The following RNF227 variants were observed in gnomAD, a reference collection of about 807,000 sequenced individuals.
The protein encoded by RNF227 is long intergenic non-protein coding RNA 2581.
Under a neutral mutation model 4.9 loss-of-function variants are expected in RNF227, and 8 were observed. The observed-to-expected ratio is 1.65, with a 90% confidence interval of 0.97 to 2.98. The LOEUF (loss-of-function observed/expected upper bound fraction) is 2.98, where lower values mean the gene tolerates loss of function less well. Ranked by LOEUF, RNF227 falls within the 30% of genes most tolerant of loss-of-function variation. RNF227 has a pLI of 0.00. For missense variants in RNF227, 136 were observed against 65.4 expected (o/e 2.08, Z -3.72); for synonymous variants, 63 against 28.1 (o/e 2.25, Z -3.94).
chr17:7,916,277 G>T lies in RNF227; in HGVS notation c.-82C>A. The T allele has an allele frequency of 2.9e-6, 1 of 349,944 alleles. No homozygotes were observed. Among genetic ancestry groups the T allele is most frequent in the Admixed American group, 4.7e-5 (1 of 21,084 alleles). The allele number at this position is 349,944 out of a possible 1,614,324, so 21.7% of individuals were successfully genotyped here. The stretch of plus-strand genomic sequence containing the variant: ...GAGCACACTCTCCTGGGGCCGGGTC[G>T]GGTCCTGGGGCCGGCGCCGCGGCCT... On this transcript the variant is annotated 5_prime_UTR_variant, in exon 1 of 2. Coordinates refer to ENST00000324348, the MANE Select transcript of RNF227 (RefSeq NM_001358699.2).
chr17:7,914,187 T>C lies in RNF227; in HGVS notation c.*1335A>G, dbSNP rs886235972. 4.6e-5 allele frequency: 7 copies of C among 151,244 alleles called. No individual in the cohort carries two copies. Among genetic ancestry groups the C allele is most frequent in the Non-Finnish European group, 1.5e-5 (1 of 67,876 alleles). The allele number at this position is 151,244 out of a possible 1,614,324, so 9.4% of individuals were successfully genotyped here. On this transcript the variant is annotated 3_prime_UTR_variant, in exon 2 of 2. Transcript: ENST00000324348. The stretch of plus-strand genomic sequence containing the variant: ...CTACAGATGGTGATATCCTAAAGAG[T>C]GTAGGATCTAGACCAATGGTACTTA...
chr17:7,915,132 T>TAAA lies in RNF227; in HGVS notation c.*387_*389dup. ...TAGCCTCTTCTCTCCCGTTCCATCT[T>TAAA]AAAAAAAAAAAAAATTCAAACCATT... is the stretch of plus-strand genomic sequence containing the variant. On this transcript the variant is annotated 3_prime_UTR_variant, in exon 2 of 2. Transcript: ENST00000324348. 4 of 296,848 alleles carry TAAA rather than the reference T, an allele frequency of 1.3e-5. No homozygotes were observed. Among genetic ancestry groups the TAAA allele is most frequent in the Middle Eastern group, 1.2e-3 (1 of 832 alleles). The allele number at this position is 296,848 out of a possible 1,614,324, so 18.4% of individuals were successfully genotyped here. A position where few individuals can be genotyped will look rare whatever the true frequency, so the allele number is the denominator to read the frequency against.
chr17:7,915,933 CGAGGGA>C lies in RNF227; in HGVS notation c.257_262del (p.Leu86_Pro87del). On this transcript the variant is annotated inframe_deletion, in exon 1 of 2. Coordinates refer to ENST00000324348, the MANE Select transcript of RNF227 (RefSeq NM_001358699.2). ...AAGAGCCATCTCCGTGAGGCCGCCG[CGAGGGA>C]GCTGCGAGGGCGCGCGGCAGAAGGG... 1 of 687,832 alleles carries C rather than the reference CGAGGGA, an allele frequency of 1.5e-6. No homozygotes were observed. Among genetic ancestry groups the C allele is most frequent in the South Asian group, 1.5e-5 (1 of 67,042 alleles). The allele number at this position is 687,832 out of a possible 1,614,324, so 42.6% of individuals were successfully genotyped here. A position where few individuals can be genotyped will look rare whatever the true frequency, so the allele number is the denominator to read the frequency against.
chr17:7,915,784 C>A lies in RNF227; in HGVS notation c.412G>T (p.Glu138Ter). 1.4e-6 allele frequency: 1 copy of A among 702,774 alleles called. No homozygotes were observed. 43.5% of individuals were successfully genotyped at this position (702,774 alleles called of 1,614,324 possible). A position where few individuals can be genotyped will look rare whatever the true frequency, so the allele number is the denominator to read the frequency against. ...DGEAEEEGES[E>*]KGAGPRSAGW... is the part of the protein sequence containing the mutation. ...GCACTCCTAGGCCCCGCCCCCTTCTCGCTCTCCCCTTCTTCCTCCGCCTCT... is the reference window on the plus strand; with the variant it reads ...GCACTCCTAGGCCCCGCCCCCTTCTAGCTCTCCCCTTCTTCCTCCGCCTCT... The change falls in exon 1 of 2, where the codon GAG becomes TAG. Residue 138 changes from glutamate (E) to a stop codon, truncating the protein, a stop_gained. Transcript: ENST00000324348. LOFTEE classifies it high-confidence loss of function.
rs988191824 is a variant in RNF227 at position 7,915,153 on chromosome 17, C to T, written c.*369G>A. On this transcript the variant is annotated 3_prime_UTR_variant, in exon 2 of 2. Coordinates refer to ENST00000324348, the MANE Select transcript of RNF227 (RefSeq NM_001358699.2). Reference sequence around the variant, plus strand: ...ATCTTAAAAAAAAAAAAAATTCAAACCATTGACAAAGAATTGCTAAAATGG... The same window carrying T: ...ATCTTAAAAAAAAAAAAAATTCAAATCATTGACAAAGAATTGCTAAAATGG... 13 of 362,506 alleles carry T rather than the reference C, an allele frequency of 3.6e-5. No individual in the cohort carries two copies. The highest frequency in any genetic ancestry group is 2.7e-4 in the African/African-American group (13 of 47,392). 22.5% of individuals were successfully genotyped at this position (362,506 alleles called of 1,614,324 possible).
chr17:7,915,943 G>C lies in RNF227; in HGVS notation c.253C>G (p.Gln85Glu), dbSNP rs189040868. 14,102 of 677,440 alleles carry C rather than the reference G, an allele frequency of 0.021. 210 individuals carry two copies. Among genetic ancestry groups the C allele is most frequent in the Middle Eastern group, 0.058 (186 of 3,220 alleles). 42.0% of individuals were successfully genotyped at this position (677,440 alleles called of 1,614,324 possible). A position where few individuals can be genotyped will look rare whatever the true frequency, so the allele number is the denominator to read the frequency against. The change falls in exon 1 of 2, where the codon CAG (glutamine) becomes GAG (glutamate). Residue 85 changes from glutamine to glutamate, a missense_variant. By Grantham distance (29) the Gln-to-Glu change is conservative. Coordinates refer to ENST00000324348, the MANE Select transcript of RNF227 (RefSeq NM_001358699.2). ...VTCPFCRAPS[Q>E]LPRGGLTEMA... ...TCCGTGAGGCCGCCGCGAGGGAGCTGCGAGGGCGCGCGGCAGAAGGGGCAC... is the reference window on the plus strand; with the variant it reads ...TCCGTGAGGCCGCCGCGAGGGAGCTCCGAGGGCGCGCGGCAGAAGGGGCAC...
chr17:7,915,943 G>A lies in RNF227; in HGVS notation c.253C>T (p.Gln85Ter), dbSNP rs189040868. Residue 85 changes from glutamine (Q) to a stop codon, truncating the protein, a stop_gained, in exon 1 of 2, where the codon CAG becomes TAG. Transcript: ENST00000324348. LOFTEE classifies it high-confidence loss of function. ...VTCPFCRAPSQLPRGGLTEMA... is the reference protein window; with the variant it reads ...VTCPFCRAPS ...TCCGTGAGGCCGCCGCGAGGGAGCT[G>A]CGAGGGCGCGCGGCAGAAGGGGCAC... 1.5e-6 allele frequency: 1 copy of A among 677,474 alleles called. No homozygotes were observed. The highest frequency in any genetic ancestry group is 1.5e-5 in the South Asian group (1 of 66,286). 42.0% of individuals were successfully genotyped at this position (677,474 alleles called of 1,614,324 possible).
In RNF227 at chr17:7,915,724, C is replaced by A; in HGVS notation, c.472G>T (p.Val158Phe). ...CGCCAGCGCCGCGCAGGCCCCAGGACCCTGTCCCAGAGCCGCCGGAGCGCG... is the reference window on the plus strand; with the variant it reads ...CGCCAGCGCCGCGCAGGCCCCAGGAACCTGTCCCAGAGCCGCCGGAGCGCG... ...WRALRRLWDR[V>F]LGPARRWRRP... is the part of the protein sequence containing the mutation. Residue 158 changes from valine (V) to phenylalanine (F), a missense_variant, in exon 1 of 2, where the codon GTC becomes TTC. Coordinates refer to ENST00000324348, the MANE Select transcript of RNF227 (RefSeq NM_001358699.2). The A allele has an allele frequency of 4.3e-6, 3 of 702,632 alleles. No individual in the cohort carries two copies. In the South Asian group the frequency reaches 4.4e-5, roughly 10 times the overall value. The allele number at this position is 702,632 out of a possible 1,614,324, so 43.5% of individuals were successfully genotyped here.
In RNF227 at chr17:7,915,571, T is replaced by G. The variant is rs1156953799; in HGVS notation, c.524A>C (p.Tyr175Ser). Residue 175 changes from tyrosine to serine, a missense_variant, in exon 2 of 2, where the codon TAC becomes TCC. Tyr to Ser is a moderately radical substitution (Grantham distance 144, BLOSUM62 -2). Coordinates refer to ENST00000324348, the MANE Select transcript of RNF227 (RefSeq NM_001358699.2). ...WRRPLPSNVLYCAEIKDIGHL... is the reference protein window; with the variant it reads ...WRRPLPSNVLSCAEIKDIGHL... ...GCCAATGTCCTTGATCTCCGCACAG[T>G]AGAGCACTGGGGGAAAGAAGAAGGG... 1.4e-5 allele frequency: 10 copies of G among 702,956 alleles called. No homozygotes were observed. The highest frequency in any genetic ancestry group is 2.6e-5 in the Non-Finnish European group (10 of 385,032). The allele number at this position is 702,956 out of a possible 1,614,324, so 43.5% of individuals were successfully genotyped here.
rs1336028961 is a variant in RNF227, at chr17:7,915,231, G to C, written c.*291C>G. ...ACCCTGGACAAAAGCCAACGTCCCA[G>C]CTAAGAAAACAGTCTGTCTTCTTCC... On this transcript the variant is annotated 3_prime_UTR_variant, in exon 2 of 2. Transcript: ENST00000324348. 1 of 524,316 alleles carries C rather than the reference G, an allele frequency of 1.9e-6. No individual in the cohort carries two copies. The highest frequency in any genetic ancestry group is 3.5e-6 in the Non-Finnish European group (1 of 287,538). The allele number at this position is 524,316 out of a possible 1,614,324, so 32.5% of individuals were successfully genotyped here.
At position 7,914,179 on chromosome 17, in the gene RNF227, C is replaced by T. The variant is rs1360278946; in HGVS notation, c.*1343G>A. 6.6e-6 allele frequency: 1 copy of T among 151,984 alleles called. No homozygotes were observed. Among genetic ancestry groups the T allele is most frequent in the Non-Finnish European group, 1.5e-5 (1 of 68,018 alleles). The allele number at this position is 151,984 out of a possible 1,614,324, so 9.4% of individuals were successfully genotyped here. On this transcript the variant is annotated 3_prime_UTR_variant, in exon 2 of 2. Coordinates refer to ENST00000324348, the MANE Select transcript of RNF227 (RefSeq NM_001358699.2). ...TATTCTACCTACAGATGGTGATATC[C>T]TAAAGAGTGTAGGATCTAGACCAAT...
chr17:7,915,194 C>A lies in RNF227; in HGVS notation c.*328G>T. On this transcript the variant is annotated 3_prime_UTR_variant, in exon 2 of 2. Transcript: ENST00000324348. ...GCTAAAATGGGACCTGTTGCTCCCA[C>A]ACACCAGAGCCACCCTGGACAAAAG... 2.2e-6 allele frequency: 1 copy of A among 455,528 alleles called. No individual in the cohort carries two copies. Among genetic ancestry groups the A allele is most frequent in the Non-Finnish European group, 4.1e-6 (1 of 246,880 alleles). The allele number at this position is 455,528 out of a possible 1,614,324, so 28.2% of individuals were successfully genotyped here.
rs766358919 is a variant in RNF227 at position 7,915,963 on chromosome 17, G to A, written c.233C>T (p.Pro78Leu). 5 of 597,192 alleles carry A rather than the reference G, an allele frequency of 8.4e-6. No homozygotes were observed. Among genetic ancestry groups the A allele is most frequent in the South Asian group, 7.3e-5 (4 of 55,154 alleles). The allele number at this position is 597,192 out of a possible 1,614,324, so 37.0% of individuals were successfully genotyped here. Residue 78 changes from proline to leucine, a missense_variant, in exon 1 of 2, where the codon CCC becomes CTC. By Grantham distance (98) the Pro-to-Leu change is moderately conservative (BLOSUM62 -3). Transcript: ENST00000324348. Reference protein sequence around the residue: ...VVRLRRVVTCPFCRAPSQLPR... With the variant: ...VVRLRRVVTCLFCRAPSQLPR... Reference sequence around the variant, plus strand: ...GAGCTGCGAGGGCGCGCGGCAGAAGGGGCACGTGACCACGCGGCGCAGGCG... The same window carrying A: ...GAGCTGCGAGGGCGCGCGGCAGAAGAGGCACGTGACCACGCGGCGCAGGCG...
At chr17:7,916,310 C>T (rs1430222557), upstream of RNF227, 1 of 343,886 alleles carries the variant, frequency 2.9e-6, no homozygotes. Context: ...CCTCTTTCCC[C>T]TTTAAATAGG....
rs1406124524 is a variant in RNF227, at chr17:7,913,992, TGAGGCAG to T, written c.*1523_*1529del. ...CTGTAGCCCCAGCTACTTGGGAGGC[TGAGGCAG>T]GAGAATGGCGTGAACCCAGGAGGCA... On this transcript the variant is annotated 3_prime_UTR_variant, in exon 2 of 2. Coordinates refer to ENST00000324348, the MANE Select transcript of RNF227 (RefSeq NM_001358699.2). The T allele has an allele frequency of 1.3e-5, 2 of 150,390 alleles. No homozygotes were observed. The highest frequency in any genetic ancestry group is 2.9e-5 in the Non-Finnish European group (2 of 67,862). 9.3% of individuals were successfully genotyped at this position (150,390 alleles called of 1,614,324 possible).
In RNF227 at chr17:7,915,256, C is replaced by T; in HGVS notation, c.*266G>A. 1 of 577,608 alleles carries T rather than the reference C, an allele frequency of 1.7e-6. No individual in the cohort carries two copies. The allele number at this position is 577,608 out of a possible 1,614,324, so 35.8% of individuals were successfully genotyped here. A position where few individuals can be genotyped will look rare whatever the true frequency, so the allele number is the denominator to read the frequency against. On this transcript the variant is annotated 3_prime_UTR_variant, in exon 2 of 2. Coordinates refer to ENST00000324348, the MANE Select transcript of RNF227 (RefSeq NM_001358699.2). ...GCTAAGAAAACAGTCTGTCTTCTTC[C>T]CACGGTAACGTAGGCTTTGTTTATA...
Position 7,915,568 on chromosome 17 carries a change from C to G in RNF227, c.527G>C (p.Cys176Ser). ...RRPLPSNVLY[C>S]AEIKDIGHLT... Reference sequence around the variant, plus strand: ...GTGGCCAATGTCCTTGATCTCCGCACAGTAGAGCACTGGGGGAAAGAAGAA... The same window carrying G: ...GTGGCCAATGTCCTTGATCTCCGCAGAGTAGAGCACTGGGGGAAAGAAGAA... The change falls in exon 2 of 2, where the codon TGT (cysteine) becomes TCT (serine). Residue 176 changes from cysteine to serine, a missense_variant. Transcript: ENST00000324348. 1.4e-6 allele frequency: 1 copy of G among 703,122 alleles called. No individual in the cohort carries two copies. Among genetic ancestry groups the G allele is most frequent in the Non-Finnish European group, 2.6e-6 (1 of 385,030 alleles). 43.6% of individuals were successfully genotyped at this position (703,122 alleles called of 1,614,324 possible).
At position 7,916,050 on chromosome 17, in the gene RNF227, G is replaced by A. The variant is rs1295486463; in HGVS notation, c.146C>T (p.Thr49Ile). 5.4e-6 allele frequency: 2 copies of A among 368,042 alleles called. No homozygotes were observed. The highest frequency in any genetic ancestry group is 9.7e-6 in the Non-Finnish European group (2 of 206,858). The allele number at this position is 368,042 out of a possible 1,614,324, so 22.8% of individuals were successfully genotyped here. The change falls in exon 1 of 2, where the codon ACC (threonine) becomes ATC (isoleucine). Residue 49 changes from threonine (T) to isoleucine (I), a missense_variant. By Grantham distance (89) the Thr-to-Ile change is moderately conservative (BLOSUM62 -1). Transcript: ENST00000324348. ...ARARCGHTICTACLRELAARG... is the reference protein window; with the variant it reads ...ARARCGHTICIACLRELAARG... ...CGCCGCCAGCTCGCGGAGGCAGGCG[G>A]TGCAGATCGTGTGGCCGCAGCGGGC...
In RNF227 at chr17:7,915,339, G is replaced by C; in HGVS notation, c.*183C>G. On this transcript the variant is annotated 3_prime_UTR_variant, in exon 2 of 2. Coordinates refer to ENST00000324348, the MANE Select transcript of RNF227 (RefSeq NM_001358699.2). ...AGACTGGCACAGTCAGTAGATGGGG[G>C]CGAGTTCGTCTAGGAGCCTCCCCAA... The C allele has an allele frequency of 1.4e-6, 1 of 692,968 alleles. No homozygotes were observed. Among genetic ancestry groups the C allele is most frequent in the Non-Finnish European group, 2.6e-6 (1 of 378,752 alleles). 42.9% of individuals were successfully genotyped at this position (692,968 alleles called of 1,614,324 possible). A position where few individuals can be genotyped will look rare whatever the true frequency, so the allele number is the denominator to read the frequency against.
Sources: allele counts gnomAD v4.1 joint callset, GRCh38; gene constraint gnomAD v4.1.1; transcripts MANE v1.5; gene names NCBI Gene and HGNC (gene_info 2026-07-23, HGNC 2026-07-21).